The following CDC42BPA variants were observed in gnomAD, a reference collection of about 807,000 sequenced individuals.
CDC42BPA encodes the protein CDC42 binding protein kinase alpha.
Under a neutral mutation model 223.5 loss-of-function variants are expected in CDC42BPA, and 80 were observed. The ratio of observed to expected loss-of-function variants is 0.36; its 90% CI spans 0.30 to 0.43. The LOEUF (loss-of-function observed/expected upper bound fraction) is 0.43, where lower values mean the gene tolerates loss of function less well. CDC42BPA is among the 20% of genes least tolerant of loss of function. CDC42BPA has a pLI of 1.00. For synonymous variants in CDC42BPA, 694 were observed against 718.6 expected, an observed-to-expected ratio of 0.97 and a Z score of 0.55; for missense variants, 1,743 against 2,099.9, an observed-to-expected ratio of 0.83 and a Z score of 3.32.
At chr1:227,282,797 T>C (rs1318205444) in intron 1 of CDC42BPA, among the ~76,000 whole-genome samples, 3 of 152,120 alleles carry the variant, frequency 2.0e-5, no homozygotes, top group African/African-American at 4.8e-5. Flanking sequence ...GTCAAATTCA[T>C]AGACAAGAAG....
chr1:227,209,166 T>C (rs1049636004), intron 3 of CDC42BPA, among the ~76,000 whole-genome samples: 2 of 132,424 alleles, frequency 1.5e-5, no homozygotes, highest in African/African-American at 6.0e-5. Flanking sequence ...TTGTCTGTTG[T>C]TGGTGTATAA....
intron 6 of CDC42BPA, among the ~76,000 whole-genome samples, chr1:227,153,440 A>G (rs1450935350): frequency 6.6e-6 from 1 of 151,984 alleles, no homozygotes; most frequent in African/African-American, 2.4e-5. Flanking sequence ...ATAGTGGCCC[A>G]TAGAAGAATT....
intron 8 of CDC42BPA, 110 bp downstream of exon 8, chr1:227,145,379 C>A (rs764176613): frequency 2.2e-6 from 2 of 895,280 alleles, no homozygotes; most frequent in Non-Finnish European, 3.4e-6. Context: ...TGACTAATAA[C>A]TGATCATTGT....
intron 14 of CDC42BPA, among the ~76,000 whole-genome samples, chr1:227,104,699 C>A (rs60291100): frequency 0.15 from 23,480 of 152,052 alleles, 2,197 homozygotes; most frequent in African/African-American, 0.25. Context: ...ACCCCTAATT[C>A]ATTAAGACTG....
At chr1:227,061,336 A>G (rs569934411) in intron 21 of CDC42BPA, among the ~76,000 whole-genome samples, 2 of 152,172 alleles carry the variant, frequency 1.3e-5, no homozygotes, top group South Asian at 4.1e-4. Flanking sequence ...TGCAGAGTAT[A>G]TGCAGATCGT....
intron 2 of CDC42BPA, among the ~76,000 whole-genome samples, chr1:227,216,376 G>A (rs1041178257): frequency 6.6e-6 from 1 of 152,182 alleles, no homozygotes; most frequent in African/African-American, 2.4e-5. Context: ...ACACATGTAT[G>A]TGGTTATCAG....
chr1:227,171,574 G>A, intron 5 of CDC42BPA, among the ~76,000 whole-genome samples: 1 of 152,028 alleles, frequency 6.6e-6, no homozygotes, highest in Non-Finnish European at 1.5e-5. Context: ...CCGTGACGAT[G>A]CCACTACACT....
At chr1:227,290,473 ATCTTC>A (rs1417550080) in intron 1 of CDC42BPA, among the ~76,000 whole-genome samples, 1 of 152,152 alleles carries the variant, frequency 6.6e-6, no homozygotes, top group African/African-American at 2.4e-5. Context: ...TTGACTTTAA[ATCTTC>A]TCTTAATGAC....
At chr1:227,132,188 G>A (rs1657260266) in intron 10 of CDC42BPA, among the ~76,000 whole-genome samples, 1 of 151,908 alleles carries the variant, frequency 6.6e-6, no homozygotes, top group Non-Finnish European at 1.5e-5. Flanking sequence ...CTCTGATGCC[G>A]AGCCAAAGCT....
At chr1:227,273,869 A>C (rs202089582) in intron 1 of CDC42BPA, among the ~76,000 whole-genome samples, 45,186 of 148,734 alleles carry the variant, frequency 0.3, 7,211 homozygotes, top group East Asian at 0.37. Flanking sequence ...AAAAAAAAAA[A>C]AAAACACAAA....
chr1:227,286,871 A>G (rs566323939), intron 1 of CDC42BPA, among the ~76,000 whole-genome samples: 1 of 152,326 alleles, frequency 6.6e-6, no homozygotes, highest in African/African-American at 2.4e-5. Context: ...GGAGAAAAGA[A>G]GCTGGCATGT....
intron 1 of CDC42BPA, among the ~76,000 whole-genome samples, chr1:227,257,518 G>C (rs931822559): frequency 3.3e-5 from 5 of 150,972 alleles, no homozygotes; most frequent in Admixed American, 1.3e-4. Flanking sequence ...AGGAAGCCAA[G>C]GCGGGTGAAT....
intron 15 of CDC42BPA, among the ~76,000 whole-genome samples, chr1:227,095,161 C>T (rs1016198847): frequency 1.3e-5 from 2 of 152,202 alleles, no homozygotes; most frequent in Non-Finnish European, 2.9e-5. Flanking sequence ...TTAAAAGTCA[C>T]ACTCATTTAC....
chr1:227,050,010 T>A (rs933635351), intron 22 of CDC42BPA, among the ~76,000 whole-genome samples: 6 of 152,094 alleles, frequency 3.9e-5, no homozygotes, highest in Admixed American at 3.9e-4. Context: ...CTGATAAATC[T>A]GACTATTTTA....
intron 21 of CDC42BPA, among the ~76,000 whole-genome samples, chr1:227,056,899 G>T (rs6682642): frequency 0.63 from 96,203 of 152,060 alleles, 30,577 homozygotes; most frequent in East Asian, 0.72. Flanking sequence ...ATTTTATTGC[G>T]CTAGAACAAA....
At chr1:227,004,846 C>T (rs1341446052) in intron 35 of CDC42BPA, 148 bp downstream of exon 35, 3 of 766,504 alleles carry the variant, frequency 3.9e-6, no homozygotes, top group Non-Finnish European at 7.3e-6. Context: ...GCCTATTAGG[C>T]ATTACCCAGC....
At chr1:227,096,417 T>C (rs1468382957) in intron 15 of CDC42BPA, among the ~76,000 whole-genome samples, 1 of 152,210 alleles carries the variant, frequency 6.6e-6, no homozygotes, top group Admixed American at 6.5e-5. Context: ...ATTTCCTAAA[T>C]CCTTGTCTTC....
chr1:227,071,841 C>T (rs1024671387), intron 20 of CDC42BPA, among the ~76,000 whole-genome samples: 3 of 150,714 alleles, frequency 2.0e-5, no homozygotes, highest in African/African-American at 7.3e-5. Flanking sequence ...AACCTCATAT[C>T]ATAGCATTTG....
At chr1:227,003,580 A>C (rs1038032343) in intron 35 of CDC42BPA, among the ~76,000 whole-genome samples, 4 of 152,196 alleles carry the variant, frequency 2.6e-5, no homozygotes, top group African/African-American at 9.7e-5. Flanking sequence ...AATCAGCCAG[A>C]TGTCCCATCT....
Sources: allele counts gnomAD v4.1 joint callset (sites outside exome capture counted in the v4.1 genomes callset), GRCh38; gene constraint gnomAD v4.1.1; transcripts MANE v1.5; gene names NCBI Gene and HGNC (gene_info 2026-07-23, HGNC 2026-07-21).